The following NEDD4L variants were observed in gnomAD, a reference collection of about 807,000 sequenced individuals.
NEDD4L encodes NEDD4 like E3 ubiquitin protein ligase, also known as E3 ubiquitin-protein ligase NEDD4-like.
In NEDD4L, 54 loss-of-function variants were observed where a neutral mutation model predicts 148.9. That is an observed-to-expected ratio of 0.36 (90% CI 0.29 to 0.45). NEDD4L has a LOEUF of 0.45. Among genes scored for constraint, NEDD4L ranks in the 20% least tolerant of loss-of-function variants. The pLI is 1.00. For missense variants in NEDD4L, 856 were observed against 1,233.8 expected, an observed-to-expected ratio of 0.69 and a Z score of 4.59; for synonymous variants, 433 against 440.7, an observed-to-expected ratio of 0.98 and a Z score of 0.22.
chr18:58,061,480 GT>G (rs10579186), intron 1 of NEDD4L, among the ~76,000 whole-genome samples: 18,357 of 148,218 alleles, frequency 0.12, 1,982 homozygotes, highest in African/African-American at 0.3. Flanking sequence ...ACTGTGGGTT[GT>G]TTTTTTTTTT....
At chr18:58,123,999 C>T (rs771384104) in intron 1 of NEDD4L, among the ~76,000 whole-genome samples, 10 of 152,210 alleles carry the variant, frequency 6.6e-5, no homozygotes, top group Non-Finnish European at 1.3e-4. Context: ...TGACGTTTCT[C>T]TTTAAAAATG....
At chr18:58,075,258 C>T (rs1310026503) in intron 1 of NEDD4L, among the ~76,000 whole-genome samples, 1 of 152,204 alleles carries the variant, frequency 6.6e-6, no homozygotes, top group Non-Finnish European at 1.5e-5. Context: ...TCAAACAGTT[C>T]TCCCGCCTCA....
chr18:58,157,574 A>G (rs962981393), intron 1 of NEDD4L, among the ~76,000 whole-genome samples: 4 of 151,996 alleles, frequency 2.6e-5, no homozygotes, highest in African/African-American at 7.2e-5. Flanking sequence ...TTTAAATTTC[A>G]TACTTACAAA....
intron 1 of NEDD4L, among the ~76,000 whole-genome samples, chr18:58,085,938 A>G (rs1421297632): frequency 6.6e-6 from 1 of 152,228 alleles, no homozygotes. Flanking sequence ...CAGATTTTAC[A>G]GCTGGTTCCT....
intron 1 of NEDD4L, among the ~76,000 whole-genome samples, chr18:58,095,115 G>C (rs973943632): frequency 2.0e-5 from 3 of 152,110 alleles, no homozygotes; most frequent in African/African-American, 4.8e-5. Flanking sequence ...TTGTTAAGAG[G>C]TTCTCATTGT....
chr18:58,389,871 G>A (rs1386495990), intron 28 of NEDD4L, among the ~76,000 whole-genome samples: 3 of 151,784 alleles, frequency 2.0e-5, no homozygotes, highest in Non-Finnish European at 4.4e-5. Flanking sequence ...GTCTCACTGT[G>A]TTGCCCAGGC....
intron 1 of NEDD4L, among the ~76,000 whole-genome samples, chr18:58,066,227 G>T (rs2144791968): frequency 6.6e-6 from 1 of 152,238 alleles, no homozygotes; most frequent in South Asian, 2.1e-4. Flanking sequence ...GCGTCCATTT[G>T]TGTAGAAGTT....
chr18:58,350,614 AT>A (rs1256882464), intron 17 of NEDD4L, among the ~76,000 whole-genome samples: 6 of 152,222 alleles, frequency 3.9e-5, no homozygotes, highest in African/African-American at 7.2e-5. Flanking sequence ...ACAGTTAACC[AT>A]GTCTAACATT....
intron 30 of NEDD4L, among the ~76,000 whole-genome samples, chr18:58,392,474 C>T (rs1000823539): frequency 2.0e-5 from 3 of 152,106 alleles, no homozygotes; most frequent in South Asian, 2.1e-4. Flanking sequence ...CATGTGTTTG[C>T]GAAAAATTGG....
intron 1 of NEDD4L, among the ~76,000 whole-genome samples, chr18:58,096,066 G>C (rs2084372721): frequency 6.6e-6 from 1 of 152,050 alleles, no homozygotes; most frequent in African/African-American, 2.4e-5. Context: ...CTTAGGTTTT[G>C]GGAATGCCAA....
intron 5 of NEDD4L, among the ~76,000 whole-genome samples, chr18:58,284,573 A>AGTGCTG (rs11280693): frequency 0.41 from 61,862 of 151,466 alleles, 13,052 homozygotes; most frequent in African/African-American, 0.53. Flanking sequence ...TACGAATAGA[A>AGTGCTG]GTAACTTCTG....
intron 5 of NEDD4L, among the ~76,000 whole-genome samples, chr18:58,299,181 C>G (rs946690950): frequency 1.3e-5 from 2 of 152,318 alleles, no homozygotes; most frequent in Middle Eastern, 3.4e-3. Flanking sequence ...AGGAGGATTC[C>G]TCCTACACAA....
chr18:58,338,319 G>T (rs1005889958), intron 13 of NEDD4L, among the ~76,000 whole-genome samples: 4 of 152,182 alleles, frequency 2.6e-5, no homozygotes, highest in African/African-American at 9.7e-5. Context: ...GCTTCCTGGC[G>T]GGCCCTTCCA....
At chr18:58,129,747 G>A (rs574689860) in intron 1 of NEDD4L, among the ~76,000 whole-genome samples, 32 of 151,810 alleles carry the variant, frequency 2.1e-4, no homozygotes, top group Non-Finnish European at 2.8e-4. Flanking sequence ...GAACTGTGGC[G>A]GTGTTGGGCT....
At chr18:58,231,983 T>C (rs1425192840) in intron 2 of NEDD4L, among the ~76,000 whole-genome samples, 1 of 152,232 alleles carries the variant, frequency 6.6e-6, no homozygotes, top group Non-Finnish European at 1.5e-5. Context: ...TCTGACTCCA[T>C]GGCTATTATA....
At chr18:58,376,026 G>A (rs865920395) in intron 24 of NEDD4L, among the ~76,000 whole-genome samples, 6 of 152,286 alleles carry the variant, frequency 3.9e-5, no homozygotes, top group Middle Eastern at 3.4e-3. Context: ...AGTCAGTCTT[G>A]TGTGTCACAT....
At chr18:58,325,638 A>C (rs532606397) in intron 9 of NEDD4L, among the ~76,000 whole-genome samples, 4 of 152,296 alleles carry the variant, frequency 2.6e-5, no homozygotes, top group African/African-American at 9.6e-5. Flanking sequence ...CTTTAAGGAA[A>C]TTTGAGCCCC....
intron 5 of NEDD4L, among the ~76,000 whole-genome samples, chr18:58,259,451 G>A (rs1017593536): frequency 6.6e-6 from 1 of 152,094 alleles, no homozygotes; most frequent in Admixed American, 6.5e-5. Context: ...TGGGTTATTG[G>A]GTTCTGAGCC....
chr18:58,283,092 T>C (rs1040021296), intron 5 of NEDD4L, among the ~76,000 whole-genome samples: 7 of 151,076 alleles, frequency 4.6e-5, no homozygotes, highest in African/African-American at 1.7e-4. Context: ...TTTATTTATT[T>C]AGAGACTGTG....
Sources: gnomAD v4.1 joint callset for allele counts (sites outside exome capture counted in the v4.1 genomes callset) on GRCh38, gnomAD v4.1.1 for gene constraint, MANE v1.5 for transcripts, NCBI Gene and HGNC (gene_info 2026-07-23, HGNC 2026-07-21) for gene names.